ZC3H13: variants seen among roughly 807,000 people sequenced by gnomAD.
ZC3H13 encodes the protein zinc finger CCCH domain-containing protein 13.
A neutral mutation model predicts 204.1 loss-of-function variants in ZC3H13; 64 were observed. The observed-to-expected ratio is 0.31, with a 90% CI of 0.26 to 0.39. The LOEUF (loss-of-function observed/expected upper bound fraction) is 0.39. ZC3H13 is among the 10% of genes least tolerant of loss of function. The pLI, the probability that ZC3H13 is intolerant of heterozygous loss-of-function variation, is 1.00. For synonymous variants in ZC3H13, 667 were observed against 693.7 expected, an observed-to-expected ratio of 0.96 and a Z score of 0.60; for missense variants, 1,833 against 2,082.7, an observed-to-expected ratio of 0.88 and a Z score of 2.33.
chr13:46,038,804 C>T (rs2043373236), intron 4 of ZC3H13, among the ~76,000 whole-genome samples: 1 of 152,132 alleles, frequency 6.6e-6, no homozygotes, highest in African/African-American at 2.4e-5. Context: ...AGGTGGATCA[C>T]AAGGTCAGGA....
intron 8 of ZC3H13, among the ~76,000 whole-genome samples, chr13:45,995,219 A>G (rs1566235647): frequency 6.6e-6 from 1 of 151,998 alleles, no homozygotes; most frequent in Non-Finnish European, 1.5e-5. Context: ...GCTACTAAAA[A>G]CCTCTCTGAA....
intron 1 of ZC3H13, among the ~76,000 whole-genome samples, chr13:46,048,668 C>T (rs1480734527): frequency 6.6e-6 from 1 of 151,192 alleles, no homozygotes; most frequent in Non-Finnish European, 1.5e-5. Context: ...TAATGATCCA[C>T]CTCCTCACCT....
intron 4 of ZC3H13, among the ~76,000 whole-genome samples, chr13:46,031,130 T>C (rs184864845): frequency 1.1e-3 from 173 of 152,024 alleles, no homozygotes; most frequent in African/African-American, 4.0e-3. Context: ...CCCACAAACA[T>C]AGTCAACTGA....
At chr13:45,962,296 A>G (rs1350623075) in intron 17 of ZC3H13, 35 of 985,268 alleles carry the variant, frequency 3.6e-5, no homozygotes, top group Non-Finnish European at 1.6e-5. Context: ...CACCCTTTAC[A>G]GTGCATATTT....
rs184071759 is a variant in ZC3H13 at position 46,004,548 on chromosome 13, A to T, written c.747-1212T>A. On this transcript the variant is annotated intron_variant, in intron 7 of 18. Coordinates refer to ENST00000679008, the MANE Select transcript of ZC3H13 (RefSeq NM_001330564.2). ...GAGTAAGACTCTAACTCAAAATAAA[A>T]TTTTTTTTAAAAAAGCAGATTTAGG... Among the ~76,000 whole-genome samples the T allele has an allele frequency of 1.4e-4, 21 of 152,104 alleles. No individual in the cohort carries two copies. The East Asian group carries it at 2.3e-3, about 17-fold the overall frequency.
chr13:45,963,736 G>A, intron 17 of ZC3H13, 106 bp downstream of exon 17: 3 of 1,513,630 alleles, frequency 2.0e-6, no homozygotes, highest in Non-Finnish European at 1.8e-6. Flanking sequence ...TCAAAAAATA[G>A]TTTCTACACA....
In ZC3H13 at chr13:45,967,757, A is replaced by T. The variant is rs1311034123; in HGVS notation, c.4068T>A (p.Asp1356Glu). The T allele has an allele frequency of 3.1e-6, 5 of 1,612,326 alleles. No individual in the cohort carries two copies. Among genetic ancestry groups the T allele is most frequent in the Non-Finnish European group, 4.2e-6 (5 of 1,179,190 alleles). Residue 1356 changes from aspartate (D) to glutamate (E), a missense_variant, in exon 15 of 19, where the codon GAT (aspartate) becomes GAA (glutamate). Transcript: ENST00000679008. ...ERERDKRRDL[D>E]RERERLISDS... is the part of the protein sequence containing the mutation. ...CAGAAATTAGTCTCTCTCTTTCCCT[A>T]TCCAAGTCTCTCCTTTTGTCTCGTT...
intron 17 of ZC3H13, chr13:45,963,411 C>T (rs1951830910): frequency 3.0e-6 from 3 of 991,854 alleles, no homozygotes; most frequent in South Asian, 4.5e-5. Context: ...GATATTAGAA[C>T]TTATTGGTTA....
chr13:45,962,216 C>T (rs1304841626), intron 17 of ZC3H13: 7 of 985,260 alleles, frequency 7.1e-6, no homozygotes, highest in Non-Finnish European at 8.4e-6. Context: ...CAAGATAATA[C>T]ATCAGTTCTC....
At position 46,018,689 on chromosome 13, in the gene ZC3H13, G is replaced by T. The variant is rs987852158; in HGVS notation, c.448+1760C>A. The stretch of plus-strand genomic sequence containing the variant: ...AGCAAAAAAGAGAAATGAAAGCATA[G>T]ATTTATGGAGAAGGTTTGACATACC... On this transcript the variant is annotated intron_variant, in intron 5 of 18. Coordinates refer to ENST00000679008, the MANE Select transcript of ZC3H13 (RefSeq NM_001330564.2). 2.7e-4 allele frequency among the ~76,000 whole-genome samples: 41 copies of T among 152,192 alleles called. No individual in the cohort carries two copies. In the Middle Eastern group the frequency reaches 0.014, roughly 51 times the overall value.
At chr13:46,009,556 T>C (rs6561280) in intron 7 of ZC3H13, among the ~76,000 whole-genome samples, 113,735 of 152,052 alleles carry the variant, frequency 0.75, 43,009 homozygotes, top group African/African-American at 0.85. Context: ...CAGGTTCAAA[T>C]AGACAGGGCT....
chr13:46,049,588 C>T (rs2044256627), intron 1 of ZC3H13, among the ~76,000 whole-genome samples: 1 of 152,128 alleles, frequency 6.6e-6, no homozygotes, highest in Non-Finnish European at 1.5e-5. Context: ...TACACACTAT[C>T]TACAATACAG....
chr13:46,003,627 T>G (rs1205341363), intron 7 of ZC3H13, among the ~76,000 whole-genome samples: 2 of 152,142 alleles, frequency 1.3e-5, no homozygotes, highest in Non-Finnish European at 2.9e-5. Context: ...GTTAATACAA[T>G]GACTGTTTAA....
intron 2 of ZC3H13, 107 bp from the exon 3 acceptor site, chr13:46,045,171 G>A (rs1008850131): frequency 1.1e-5 from 12 of 1,048,714 alleles, no homozygotes; most frequent in Non-Finnish European, 1.1e-5. Context: ...GCTAACCTGT[G>A]ATATATTACT....
At position 45,967,632 on chromosome 13, in the gene ZC3H13, T is replaced by C. The variant is rs1952204301; in HGVS notation, c.4193A>G (p.His1398Arg). The C allele has an allele frequency of 1.2e-6, 2 of 1,614,154 alleles. No homozygotes were observed. Among genetic ancestry groups the C allele is most frequent in the Non-Finnish European group, 1.7e-6 (2 of 1,180,008 alleles). Residue 1398 changes from histidine to arginine, a missense_variant, in exon 15 of 19, where the codon CAT becomes CGT. Physicochemically the swap from His to Arg is conservative, Grantham distance 29 (BLOSUM62 0). Coordinates refer to ENST00000679008, the MANE Select transcript of ZC3H13 (RefSeq NM_001330564.2). ...KRCEAKLEGE[H>R]ERDLESTSRD... ...GGAAGTGCTTTCTAGATCCCTTTCA[T>C]GTTCACCTTCCAGTTTTGCTTCACA...
intron 12 of ZC3H13, among the ~76,000 whole-genome samples, chr13:45,971,234 G>C: frequency 6.6e-6 from 1 of 151,974 alleles, no homozygotes; most frequent in East Asian, 1.9e-4. Flanking sequence ...AATTATTCTA[G>C]TGTTTTCCCC....
intron 4 of ZC3H13, among the ~76,000 whole-genome samples, chr13:46,030,977 C>T (rs1195123262): frequency 2.6e-5 from 4 of 152,064 alleles, no homozygotes; most frequent in Non-Finnish European, 5.9e-5. Flanking sequence ...ATAGCCAACA[C>T]AATACTGAAG....
chr13:45,989,868 A>G (rs1316189005), intron 8 of ZC3H13, among the ~76,000 whole-genome samples: 1 of 152,242 alleles, frequency 6.6e-6, no homozygotes, highest in African/African-American at 2.4e-5. Flanking sequence ...TGCAATAACT[A>G]AGAAGCAGCA....
chr13:46,040,889 T>C (rs963990513), intron 4 of ZC3H13, among the ~76,000 whole-genome samples: 1 of 152,136 alleles, frequency 6.6e-6, no homozygotes, highest in African/African-American at 2.4e-5. Context: ...TAGATCATCA[T>C]TTCACACCCA....
Sources: allele counts gnomAD v4.1 joint callset (sites outside exome capture counted in the v4.1 genomes callset), GRCh38; gene constraint gnomAD v4.1.1; transcripts MANE v1.5; gene names NCBI Gene and HGNC (gene_info 2026-07-23, HGNC 2026-07-21).